ARB2A: variants seen among roughly 807,000 people sequenced by gnomAD.
The protein encoded by ARB2A is cotranscriptional regulator ARB2A.
the ARB2A span, among the ~76,000 whole-genome samples, chr5:93,689,732 G>T: frequency 2.0e-5 from 3 of 150,186 alleles, no homozygotes; most frequent in Non-Finnish European, 4.4e-5. Context: ...CGCTCTTGTT[G>T]TCCGGGCTGG....
chr5:93,630,809 T>A, the ARB2A span, among the ~76,000 whole-genome samples: 1 of 152,258 alleles, frequency 6.6e-6, no homozygotes, highest in African/African-American at 2.4e-5. Flanking sequence ...CGCGATGGCA[T>A]GCACCTGTAG....
At chr5:93,922,959 T>C in the ARB2A span, among the ~76,000 whole-genome samples, 1 of 152,032 alleles carries the variant, frequency 6.6e-6, no homozygotes, top group Non-Finnish European at 1.5e-5. Flanking sequence ...AGCAAAAAAG[T>C]CAGAAATTAC....
At chr5:93,830,940 T>A in the ARB2A span, among the ~76,000 whole-genome samples, 1 of 152,132 alleles carries the variant, frequency 6.6e-6, no homozygotes, top group Non-Finnish European at 1.5e-5. Flanking sequence ...CTGGGGGTGA[T>A]GAGAGACAGT....
chr5:94,109,400 T>A, the ARB2A span, among the ~76,000 whole-genome samples: 1 of 152,146 alleles, frequency 6.6e-6, no homozygotes, highest in Non-Finnish European at 1.5e-5. Context: ...TAGTTACCAA[T>A]GACTACTGTG....
the ARB2A span, among the ~76,000 whole-genome samples, chr5:93,749,190 A>C: frequency 1.3e-5 from 2 of 152,150 alleles, no homozygotes; most frequent in African/African-American, 4.8e-5. Flanking sequence ...TCTTTTGATC[A>C]TCCATTCTTG....
chr5:93,833,304 A>C, the ARB2A span, among the ~76,000 whole-genome samples: 1 of 152,240 alleles, frequency 6.6e-6, no homozygotes, highest in Non-Finnish European at 1.5e-5. Flanking sequence ...AGTACATTTC[A>C]AAAATGAAAA....
the ARB2A span, among the ~76,000 whole-genome samples, chr5:93,804,378 T>A: frequency 6.6e-6 from 1 of 152,090 alleles, no homozygotes; most frequent in East Asian, 1.9e-4. Flanking sequence ...CACTAAGAGT[T>A]TCCATATACT....
chr5:93,950,123 CTTAGG>C, the ARB2A span, among the ~76,000 whole-genome samples: 3 of 152,110 alleles, frequency 2.0e-5, no homozygotes, highest in African/African-American at 7.2e-5. Context: ...CTGATGGACA[CTTAGG>C]TTGTTTCCAA....
chr5:93,828,850 C>T, the ARB2A span, among the ~76,000 whole-genome samples: 2 of 152,152 alleles, frequency 1.3e-5, no homozygotes, highest in Non-Finnish European at 1.5e-5. Flanking sequence ...AATCTTGGCT[C>T]ACTGCAACCT....
At chr5:93,658,015 T>C in the ARB2A span, among the ~76,000 whole-genome samples, 3 of 152,160 alleles carry the variant, frequency 2.0e-5, no homozygotes, top group African/African-American at 4.8e-5. Context: ...ATTATCTATA[T>C]TAGACAAGTA....
At chr5:93,787,393 T>G in the ARB2A span, among the ~76,000 whole-genome samples, 1 of 152,224 alleles carries the variant, frequency 6.6e-6, no homozygotes, top group Non-Finnish European at 1.5e-5. Flanking sequence ...GGATATACAT[T>G]GTAAAGTTAC....
At chr5:94,065,796 T>C in the ARB2A span, among the ~76,000 whole-genome samples, 1 of 152,158 alleles carries the variant, frequency 6.6e-6, no homozygotes, top group African/African-American at 2.4e-5. Flanking sequence ...CTTTAATTCT[T>C]CACTCTCAGC....
the ARB2A span, among the ~76,000 whole-genome samples, chr5:93,773,966 AG>A: frequency 6.6e-6 from 1 of 152,176 alleles, no homozygotes; most frequent in African/African-American, 2.4e-5. Context: ...GAGACAGACA[AG>A]GTCTTGCTTT....
the ARB2A span, among the ~76,000 whole-genome samples, chr5:94,086,992 T>C: frequency 6.6e-6 from 1 of 152,194 alleles, no homozygotes; most frequent in African/African-American, 2.4e-5. Context: ...TCATAGGAAA[T>C]AGCAGCTCCA....
At chr5:94,016,998 T>A in the ARB2A span, among the ~76,000 whole-genome samples, 1 of 152,132 alleles carries the variant, frequency 6.6e-6, no homozygotes, top group African/African-American at 2.4e-5. Context: ...TTCTGCCAGT[T>A]CCCTAGCACT....
the ARB2A span, among the ~76,000 whole-genome samples, chr5:93,704,619 C>A: frequency 6.6e-6 from 1 of 152,240 alleles, no homozygotes; most frequent in South Asian, 2.1e-4. Flanking sequence ...AAACTAGTAA[C>A]CCTGGCATCA....
At chr5:94,066,185 C>T in the ARB2A span, among the ~76,000 whole-genome samples, 1 of 151,712 alleles carries the variant, frequency 6.6e-6, no homozygotes, top group African/African-American at 2.4e-5. Context: ...CTACGCAAAA[C>T]AGAAAACGCA....
At chr5:94,090,930 C>T in the ARB2A span, among the ~76,000 whole-genome samples, 1 of 152,000 alleles carries the variant, frequency 6.6e-6, no homozygotes, top group Non-Finnish European at 1.5e-5. Flanking sequence ...AATTTATTTT[C>T]CATGTAAAGA....
At chr5:93,631,899 A>ACAAAT in the ARB2A span, among the ~76,000 whole-genome samples, 2 of 152,266 alleles carry the variant, frequency 1.3e-5, no homozygotes, top group East Asian at 3.9e-4. Context: ...GCAAAACAAA[A>ACAAAT]CAAATGTGAA....
Sources: allele counts gnomAD v4.1 joint callset (sites outside exome capture counted in the v4.1 genomes callset), GRCh38; gene constraint gnomAD v4.1.1; transcripts MANE v1.5; gene names NCBI Gene and HGNC (gene_info 2026-07-23, HGNC 2026-07-21).